The following ZFHX3 variants were observed in gnomAD, a reference collection of about 807,000 sequenced individuals.
The protein encoded by ZFHX3 is zinc finger homeobox 3, also known as zinc finger homeobox protein 3.
ZFHX3 carries 42 observed loss-of-function variants against 279.1 expected under a neutral mutation model. That is an observed-to-expected ratio of 0.15 (90% CI 0.12 to 0.19). ZFHX3 has a LOEUF of 0.19. Among genes scored for constraint, ZFHX3 ranks in the 10% least tolerant of loss-of-function variants. ZFHX3 has a pLI of 1.00. For synonymous variants in ZFHX3, 2,293 were observed against 1,957.8 expected (o/e 1.17, Z -4.52); for missense variants, 4,981 against 4,754.0 (o/e 1.05, Z -1.40).
intron 1 of ZFHX3, among the ~76,000 whole-genome samples, chr16:73,037,924 G>A (rs986144760): frequency 2.0e-5 from 3 of 152,066 alleles, no homozygotes; most frequent in Non-Finnish European, 2.9e-5. Context: ...GCCATAAATC[G>A]TAACTGGCCC....
intron 2 of ZFHX3, among the ~76,000 whole-genome samples, chr16:72,953,067 G>A (rs1961071313): frequency 1.3e-5 from 2 of 151,898 alleles, no homozygotes; most frequent in Admixed American, 1.3e-4. Context: ...TCTTATTGAC[G>A]CTACACAAGT....
intron 2 of ZFHX3, among the ~76,000 whole-genome samples, chr16:73,583,098 G>C (rs2051878615): frequency 1.3e-5 from 2 of 152,192 alleles, no homozygotes. Flanking sequence ...CAGCTATGGA[G>C]ACGCTGACAT....
At position 73,439,983 on chromosome 16, in the gene ZFHX3, T is replaced by C. The variant is rs955676464; in HGVS notation, c.-1291+16020A>G. Among the ~76,000 whole-genome samples the C allele has an allele frequency of 7.3e-5, 10 of 137,130 alleles. No homozygotes were observed. The Admixed American group carries it at 7.5e-4, about 10-fold the overall frequency. 90.0% of individuals were successfully genotyped at this position (137,130 alleles called of 152,430 possible). On this transcript the variant is annotated intron_variant, in intron 3 of 17. Transcript: ENST00000641206. ...GCCAAGGCTTCAAAAGAGGTTACGGTGTAGGCACGGGGTTGAGATGGAGGA... is the reference window on the plus strand; with the variant it reads ...GCCAAGGCTTCAAAAGAGGTTACGGCGTAGGCACGGGGTTGAGATGGAGGA...
intron 1 of ZFHX3, among the ~76,000 whole-genome samples, chr16:73,854,221 G>T (rs1449938338): frequency 6.6e-6 from 1 of 152,128 alleles, no homozygotes; most frequent in Non-Finnish European, 1.5e-5. Context: ...GAAATTTAAA[G>T]AGCATTATAA....
At chr16:72,877,902 C>A (rs2038357908) in intron 4 of ZFHX3, among the ~76,000 whole-genome samples, 1 of 152,220 alleles carries the variant, frequency 6.6e-6, no homozygotes, top group African/African-American at 2.4e-5. Flanking sequence ...AGGCAACTCA[C>A]ACCTGAATTA....
At chr16:73,881,567 C>G (rs986217690) in intron 1 of ZFHX3, among the ~76,000 whole-genome samples, 1 of 142,482 alleles carries the variant, frequency 7.0e-6, no homozygotes, top group Admixed American at 7.5e-5. Context: ...CTTCACTGTT[C>G]CATTTTTATC....
At chr16:72,940,897 T>C (rs920269845) in intron 3 of ZFHX3, among the ~76,000 whole-genome samples, 19 of 152,266 alleles carry the variant, frequency 1.2e-4, no homozygotes, top group Non-Finnish European at 2.4e-4. Context: ...CTAATCATTC[T>C]TGATGATTAG....
At chr16:72,941,240 C>A (rs78983472) in intron 3 of ZFHX3, among the ~76,000 whole-genome samples, 14,916 of 152,252 alleles carry the variant, frequency 0.098, 943 homozygotes, top group African/African-American at 0.18. Flanking sequence ...TATAGGAAAG[C>A]ATTTTACTTA....
intron 8 of ZFHX3, among the ~76,000 whole-genome samples, chr16:73,084,917 AAGAT>A (rs1965993383): frequency 6.6e-6 from 1 of 152,244 alleles, no homozygotes; most frequent in South Asian, 2.1e-4. Context: ...AAAAAGATCA[AAGAT>A]AGCCCATGCT....
chr16:73,519,531 G>C (rs2019577449), intron 2 of ZFHX3, among the ~76,000 whole-genome samples: 1 of 151,918 alleles, frequency 6.6e-6, no homozygotes, highest in Non-Finnish European at 1.5e-5. Context: ...TTTGAGCTTT[G>C]TACCTTGGTT....
chr16:73,259,332 A>G (rs1040535578), intron 4 of ZFHX3, among the ~76,000 whole-genome samples: 1 of 152,218 alleles, frequency 6.6e-6, no homozygotes, highest in African/African-American at 2.4e-5. Flanking sequence ...ATTTCTTCAC[A>G]TCCTTGCCAA....
intron 3 of ZFHX3, among the ~76,000 whole-genome samples, chr16:72,919,440 T>C (rs2039526606): frequency 6.6e-6 from 1 of 152,026 alleles, no homozygotes; most frequent in African/African-American, 2.4e-5. Flanking sequence ...CGACTACAGG[T>C]GTGAGCCAGT....
intron 4 of ZFHX3, among the ~76,000 whole-genome samples, chr16:72,831,442 G>A (rs2037057331): frequency 1.3e-5 from 2 of 151,974 alleles, no homozygotes; most frequent in Admixed American, 6.6e-5. Flanking sequence ...TTGTCTCACT[G>A]CACAATAAAG....
rs553080057 is a variant in ZFHX3, at chr16:73,576,848, A to G, written c.-1547+103332T>C. The stretch of plus-strand genomic sequence containing the variant: ...GTACTAAGCCTAGTATCCAATAGTT[A>G]GTTTTTTCTCTGCTCCTCTCTCTCC... On this transcript the variant is annotated intron_variant, in intron 2 of 17. Transcript: ENST00000641206. 4.6e-5 allele frequency among the ~76,000 whole-genome samples: 7 copies of G among 152,266 alleles called. No homozygotes were observed. The South Asian group carries it at 1.5e-3, about 32-fold the overall frequency.
At chr16:72,885,350 C>T (rs1174588874) in intron 4 of ZFHX3, among the ~76,000 whole-genome samples, 1 of 152,206 alleles carries the variant, frequency 6.6e-6, no homozygotes, top group Non-Finnish European at 1.5e-5. Flanking sequence ...CAAGGAGTTA[C>T]GTAGCCAGTC....
At chr16:72,827,323 G>GT (rs1054855859) in intron 5 of ZFHX3, among the ~76,000 whole-genome samples, 1 of 152,152 alleles carries the variant, frequency 6.6e-6, no homozygotes, top group Admixed American at 6.5e-5. Context: ...AACATGCCAA[G>GT]CACTGTTCGG....
intron 2 of ZFHX3, among the ~76,000 whole-genome samples, chr16:73,477,367 A>T (rs766261571): frequency 4.9e-4 from 74 of 152,246 alleles, no homozygotes; most frequent in Non-Finnish European, 2.4e-4. Flanking sequence ...TTCATTAAAC[A>T]TGTACATGTG....
At chr16:73,342,193 C>T (rs1414668018) in intron 3 of ZFHX3, among the ~76,000 whole-genome samples, 1 of 152,068 alleles carries the variant, frequency 6.6e-6, no homozygotes, top group African/African-American at 2.4e-5. Context: ...GGGAAACAGG[C>T]CTTTTCATAA....
At chr16:72,860,392 C>T (rs2037856125) in intron 4 of ZFHX3, among the ~76,000 whole-genome samples, 1 of 152,164 alleles carries the variant, frequency 6.6e-6, no homozygotes, top group South Asian at 2.1e-4. Flanking sequence ...TAACAAATAT[C>T]AAACGTGTGT....
Sources: gnomAD v4.1 joint callset for allele counts (sites outside exome capture counted in the v4.1 genomes callset) on GRCh38, gnomAD v4.1.1 for gene constraint, MANE v1.5 for transcripts, NCBI Gene and HGNC (gene_info 2026-07-23, HGNC 2026-07-21) for gene names.